The following OPCML variants were observed in gnomAD, a reference collection of about 807,000 sequenced individuals.
The protein encoded by OPCML is opioid binding protein/cell adhesion molecule like, also known as opioid-binding protein/cell adhesion molecule.
OPCML carries 13 observed loss-of-function variants against 37.8 expected under a neutral mutation model. That is an observed-to-expected ratio of 0.34 (90% confidence interval 0.22 to 0.55). The LOEUF is 0.55. OPCML is among the 20% of genes least tolerant of loss of function. OPCML has a pLI of 0.91. For synonymous variants in OPCML, 176 were observed against 168.8 expected (o/e 1.04, Z -0.33); for missense variants, 341 against 435.6 (o/e 0.78, Z 1.93).
chr11:132,532,936 C>T (rs2096330029), intron 3 of OPCML, among the ~76,000 whole-genome samples: 1 of 152,160 alleles, frequency 6.6e-6, no homozygotes, highest in Non-Finnish European at 1.5e-5. Context: ...AAGAAAGGAA[C>T]ACTTGGGGAT....
chr11:132,966,158 TAG>T (rs1946209855), intron 1 of OPCML, among the ~76,000 whole-genome samples: 1 of 152,112 alleles, frequency 6.6e-6, no homozygotes. Flanking sequence ...TTTTTAAATA[TAG>T]GTGTTTGCAC....
At chr11:132,436,047 T>C in intron 7 of OPCML, 39 bp downstream of exon 7, 1 of 1,596,546 alleles carries the variant, frequency 6.3e-7, no homozygotes. Flanking sequence ...AGCTTCCCCA[T>C]GTGGCTGAGC....
At chr11:132,558,020 T>C (rs2096399892) in intron 3 of OPCML, among the ~76,000 whole-genome samples, 1 of 152,098 alleles carries the variant, frequency 6.6e-6, no homozygotes, top group Non-Finnish European at 1.5e-5. Flanking sequence ...CGGTGTTACT[T>C]AGTCCCTACT....
chr11:133,484,619 C>T (rs1222953914), intron 1 of OPCML, among the ~76,000 whole-genome samples: 1 of 152,090 alleles, frequency 6.6e-6, no homozygotes, highest in East Asian at 1.9e-4. Context: ...ATTTATAAGG[C>T]TACAACCATG....
intron 2 of OPCML, among the ~76,000 whole-genome samples, chr11:132,812,078 C>T (rs777243158): frequency 1.3e-5 from 2 of 152,164 alleles, no homozygotes; most frequent in African/African-American, 2.4e-5. Context: ...TTTCTCATTG[C>T]TAACTGTGCA....
chr11:132,568,426 T>C (rs1298654974), intron 3 of OPCML, among the ~76,000 whole-genome samples: 1 of 152,208 alleles, frequency 6.6e-6, no homozygotes, highest in African/African-American at 2.4e-5. Context: ...CCTCAGTATA[T>C]GACTTTATTT....
chr11:133,000,843 A>G (rs7928193), intron 1 of OPCML, among the ~76,000 whole-genome samples: 122,370 of 152,168 alleles, frequency 0.8, 49,333 homozygotes, highest in East Asian at 0.86. Context: ...CATGGGGGCG[A>G]GTTCTTCACG....
chr11:132,630,870 T>C (rs10894593), intron 3 of OPCML, among the ~76,000 whole-genome samples: 29,034 of 152,032 alleles, frequency 0.19, 2,863 homozygotes, highest in African/African-American at 0.24. Context: ...AACTCAAATA[T>C]ACATTCCAAC....
At chr11:132,745,580 A>AAAAAAG (rs1555183231) in intron 2 of OPCML, among the ~76,000 whole-genome samples, 8 of 87,554 alleles carry the variant, frequency 9.1e-5, no homozygotes, top group African/African-American at 3.6e-4. Flanking sequence ...AAAAAAAAAA[A>AAAAAAG]AAAGAAAGAA....
intron 3 of OPCML, among the ~76,000 whole-genome samples, chr11:132,544,729 G>A (rs543915686): frequency 2.0e-5 from 3 of 152,236 alleles, no homozygotes; most frequent in East Asian, 3.9e-4. Context: ...AAACCTCTTC[G>A]CTGGCCTTCC....
intron 2 of OPCML, among the ~76,000 whole-genome samples, chr11:132,809,785 G>A (rs867237854): frequency 6.6e-6 from 1 of 151,990 alleles, no homozygotes; most frequent in Non-Finnish European, 1.5e-5. Flanking sequence ...TGGCCAAGAC[G>A]CCACCTCTTA....
Position 132,529,174 on chromosome 11 carries a change from A to T in OPCML, c.392T>A (p.Ile131Asn). The T allele has an allele frequency of 6.2e-7, 1 of 1,610,458 alleles. No homozygotes were observed. The highest frequency in any genetic ancestry group is 8.5e-7 in the Non-Finnish European group (1 of 1,178,044). Residue 131 changes from isoleucine to asparagine, a missense_variant, in exon 4 of 8, where the codon ATC becomes AAC. Physicochemically the swap from Ile to Asn is moderately radical, Grantham distance 149. Coordinates refer to ENST00000524381, the MANE Select transcript of OPCML (RefSeq NM_001012393.5). ...AGTGATGTCTGAGGAGATATTCATGATCTGAGGAGGAACTGTAAGGAAACA... is the reference window on the plus strand; with the variant it reads ...AGTGATGTCTGAGGAGATATTCATGTTCTGAGGAGGAACTGTAAGGAAACA... ...VHLIVQVPPQ[I>N]MNISSDITVN...
intron 2 of OPCML, among the ~76,000 whole-genome samples, chr11:132,767,613 T>G (rs1164507555): frequency 6.6e-6 from 1 of 152,178 alleles, no homozygotes; most frequent in African/African-American, 2.4e-5. Context: ...GCTCATGCGT[T>G]TACTAGTTGA....
chr11:132,593,234 C>T (rs1187810210), intron 3 of OPCML, among the ~76,000 whole-genome samples: 1 of 152,048 alleles, frequency 6.6e-6, no homozygotes, highest in Non-Finnish European at 1.5e-5. Context: ...AGGGAAACAG[C>T]TTGGTGAATT....
At chr11:132,454,230 AG>A (rs1592199352) in intron 4 of OPCML, among the ~76,000 whole-genome samples, 2 of 152,194 alleles carry the variant, frequency 1.3e-5, no homozygotes, top group African/African-American at 4.8e-5. Context: ...AAAGGATGAG[AG>A]GGTCACCTTT....
intron 1 of OPCML, among the ~76,000 whole-genome samples, chr11:133,095,704 A>C (rs1286059249): frequency 1.3e-5 from 2 of 150,970 alleles, no homozygotes; most frequent in Non-Finnish European, 3.0e-5. Context: ...GAAAAAAATT[A>C]CAAAAAAAAA....
intron 1 of OPCML, among the ~76,000 whole-genome samples, chr11:132,984,161 G>C (rs560739626): frequency 1.3e-5 from 2 of 152,090 alleles, no homozygotes; most frequent in African/African-American, 4.8e-5. Context: ...TCATTGACCC[G>C]GATCCAGTAT....
intron 3 of OPCML, among the ~76,000 whole-genome samples, chr11:132,549,765 A>G (rs1042412547): frequency 7.2e-5 from 11 of 152,200 alleles, no homozygotes; most frequent in African/African-American, 2.7e-4. Flanking sequence ...GCAGAATAAG[A>G]TTAGGGTGGA....
At chr11:132,557,303 G>T (rs1248607589) in intron 3 of OPCML, among the ~76,000 whole-genome samples, 2 of 152,152 alleles carry the variant, frequency 1.3e-5, no homozygotes, top group East Asian at 3.9e-4. Flanking sequence ...GTCGTAGAGG[G>T]AGTCAGAGGT....
Sources: allele counts gnomAD v4.1 joint callset (sites outside exome capture counted in the v4.1 genomes callset), GRCh38; gene constraint gnomAD v4.1.1; transcripts MANE v1.5; gene names NCBI Gene and HGNC (gene_info 2026-07-23, HGNC 2026-07-21).